The following AK5 variants were observed in gnomAD, a reference collection of about 807,000 sequenced individuals.
AK5 encodes the protein adenylate kinase 5.
A neutral mutation model predicts 69.5 loss-of-function variants in AK5; 27 were observed. The observed-to-expected ratio is 0.39, with a 90% CI of 0.29 to 0.54. The LOEUF is 0.54. Among genes scored for constraint, AK5 ranks in the 20% least tolerant of loss-of-function variants. The probability of loss-of-function intolerance (pLI) is 0.71; values close to 1 mark genes in which losing one functional copy is unlikely to be tolerated. For missense variants in AK5, 531 were observed against 700.4 expected, an observed-to-expected ratio of 0.76 and a Z score of 2.73; for synonymous variants, 260 against 244.4, an observed-to-expected ratio of 1.06 and a Z score of -0.60.
intron 13 of AK5, among the ~76,000 whole-genome samples, chr1:77,550,231 C>A (rs572609235): frequency 3.8e-4 from 58 of 152,210 alleles, no homozygotes; most frequent in Non-Finnish European, 7.2e-4. Context: ...AGGCGTGAGC[C>A]ATTCCATCCA....
At chr1:77,445,513 C>T (rs1190885763) in intron 8 of AK5, among the ~76,000 whole-genome samples, 3 of 152,188 alleles carry the variant, frequency 2.0e-5, no homozygotes, top group Non-Finnish European at 2.9e-5. Context: ...GAGTTCTTTA[C>T]AAATCTTGAA....
intron 1 of AK5, among the ~76,000 whole-genome samples, chr1:77,285,237 T>C (rs994652488): frequency 1.3e-5 from 2 of 152,194 alleles, no homozygotes; most frequent in African/African-American, 4.8e-5. Context: ...TATTTATTAA[T>C]GAGGCTAATA....
intron 5 of AK5, among the ~76,000 whole-genome samples, chr1:77,331,080 A>G (rs900959500): frequency 1.3e-5 from 2 of 152,040 alleles, no homozygotes; most frequent in African/African-American, 4.8e-5. Context: ...AAAATATAAT[A>G]TAATTATGCA....
At chr1:77,518,218 C>T (rs538913881) in intron 10 of AK5, among the ~76,000 whole-genome samples, 4 of 152,304 alleles carry the variant, frequency 2.6e-5, no homozygotes, top group Admixed American at 1.3e-4. Context: ...TCTACCAAAA[C>T]GGAGCCAAGT....
intron 8 of AK5, among the ~76,000 whole-genome samples, chr1:77,473,451 T>C (rs185286045): frequency 3.0e-3 from 450 of 152,254 alleles, no homozygotes; most frequent in Non-Finnish European, 4.9e-3. Context: ...GACTGCCAGA[T>C]AGTTAATCTG....
intron 6 of AK5, among the ~76,000 whole-genome samples, chr1:77,366,956 G>A (rs1646961015): frequency 6.6e-6 from 1 of 152,090 alleles, no homozygotes; most frequent in African/African-American, 2.4e-5. Context: ...ATTGTTAAAT[G>A]TCAACGGTCT....
In AK5 at chr1:77,557,394, C is replaced by T. The variant is rs571749468; in HGVS notation, c.1621-1208C>T. 6 of 191,666 alleles carry T rather than the reference C, an allele frequency of 3.1e-5. No homozygotes were observed. The South Asian group carries it at 7.1e-4, about 23-fold the overall frequency. 11.9% of individuals were successfully genotyped at this position (191,666 alleles called of 1,614,324 possible). ...TGACACTCATGGAAGTTGATGCATACCACCAGCATTTCCCTGGCCTCCCAG... is the reference window on the plus strand; with the variant it reads ...TGACACTCATGGAAGTTGATGCATATCACCAGCATTTCCCTGGCCTCCCAG... On this transcript the variant is annotated intron_variant, in intron 13 of 13. Transcript: ENST00000354567.
chr1:77,548,928 G>T (rs1341183720), intron 13 of AK5, among the ~76,000 whole-genome samples: 7 of 99,648 alleles, frequency 7.0e-5, no homozygotes, highest in East Asian at 3.3e-4. Flanking sequence ...TTGAGACTGA[G>T]TTTCATTCTG....
chr1:77,482,457 T>C (rs1655311099), intron 8 of AK5, among the ~76,000 whole-genome samples: 1 of 152,188 alleles, frequency 6.6e-6, no homozygotes, highest in African/African-American at 2.4e-5. Context: ...GGTTCGGGGA[T>C]TGGCAAATTA....
intron 6 of AK5, among the ~76,000 whole-genome samples, chr1:77,351,394 CTAAA>C (rs553740044): frequency 6.6e-6 from 1 of 152,032 alleles, no homozygotes; most frequent in Non-Finnish European, 1.5e-5. Flanking sequence ...GACCCTGTCT[CTAAA>C]TAAATAAATA....
At chr1:77,444,224 A>G (rs560690206) in intron 8 of AK5, among the ~76,000 whole-genome samples, 73 of 125,442 alleles carry the variant, frequency 5.8e-4, no homozygotes, top group African/African-American at 1.4e-3. Context: ...CCACTTATGT[A>G]TATATATATA....
chr1:77,547,363 T>C (rs867111032), intron 13 of AK5, among the ~76,000 whole-genome samples: 63 of 135,316 alleles, frequency 4.7e-4, no homozygotes, highest in Non-Finnish European at 1.1e-4. Flanking sequence ...AACCTCCGCC[T>C]CCTGGGTTCA....
intron 8 of AK5, among the ~76,000 whole-genome samples, chr1:77,463,118 GA>G (rs1653936706): frequency 6.6e-6 from 1 of 152,162 alleles, no homozygotes; most frequent in African/African-American, 2.4e-5. Context: ...ATAGACGTTG[GA>G]GGGGGGAACT....
At chr1:77,419,391 C>T (rs757240402) in intron 8 of AK5, among the ~76,000 whole-genome samples, 2 of 151,656 alleles carry the variant, frequency 1.3e-5, no homozygotes, top group African/African-American at 4.8e-5. Context: ...AGACTCCACA[C>T]CCCCCAAGAA....
intron 8 of AK5, among the ~76,000 whole-genome samples, chr1:77,471,212 A>C (rs1570201097): frequency 6.6e-6 from 1 of 152,040 alleles, no homozygotes; most frequent in Non-Finnish European, 1.5e-5. Context: ...GCTGGTGCCC[A>C]GGTTTTGGAA....
intron 5 of AK5, among the ~76,000 whole-genome samples, chr1:77,308,190 A>G (rs1659747175): frequency 6.6e-6 from 1 of 152,142 alleles, no homozygotes; most frequent in African/African-American, 2.4e-5. Flanking sequence ...CTAGGAGTCT[A>G]CCACAAGCCG....
chr1:77,514,199 T>G (rs1657511349), intron 10 of AK5, among the ~76,000 whole-genome samples: 2 of 152,204 alleles, frequency 1.3e-5, no homozygotes, highest in South Asian at 4.1e-4. Context: ...CCACAATCTC[T>G]TTGTGAATCA....
intron 5 of AK5, among the ~76,000 whole-genome samples, chr1:77,302,674 T>A (rs1659408366): frequency 6.6e-6 from 1 of 152,210 alleles, no homozygotes; most frequent in Non-Finnish European, 1.5e-5. Context: ...TACAGGCAGT[T>A]GGCTTTTTTA....
chr1:77,291,588 G>T (rs568546696), intron 2 of AK5, among the ~76,000 whole-genome samples: 2 of 151,612 alleles, frequency 1.3e-5, no homozygotes, highest in East Asian at 3.9e-4. Context: ...ATTGAACCAC[G>T]CTCTACCCAC....
Sources: gnomAD v4.1 joint callset for allele counts (sites outside exome capture counted in the v4.1 genomes callset) on GRCh38, gnomAD v4.1.1 for gene constraint, MANE v1.5 for transcripts, NCBI Gene and HGNC (gene_info 2026-07-23, HGNC 2026-07-21) for gene names.